The following PCBP3 variants were observed in gnomAD, a reference collection of about 807,000 sequenced individuals.
The protein encoded by PCBP3 is poly(rC) binding protein 3, also known as poly(rC)-binding protein 3.
PCBP3 carries 25 observed loss-of-function variants against 52.7 expected under a neutral mutation model. That is an observed-to-expected ratio of 0.47 (90% confidence interval 0.35 to 0.66). PCBP3 has a LOEUF of 0.66. PCBP3 is among the 30% of genes least tolerant of loss of function. The pLI, the probability that PCBP3 is intolerant of heterozygous loss-of-function variation, is 0.01. For missense variants in PCBP3, 391 were observed against 490.3 expected (o/e 0.80, Z 1.91); for synonymous variants, 162 against 183.0 (o/e 0.89, Z 0.93).
intron 4 of PCBP3, among the ~76,000 whole-genome samples, chr21:45,768,452 C>T (rs772774221): frequency 6.6e-6 from 1 of 152,212 alleles, no homozygotes; most frequent in Admixed American, 6.5e-5. Flanking sequence ...CTGTGGGGCA[C>T]CGTCATGGTG....
chr21:45,813,602 C>T lies in PCBP3; in HGVS notation c.-125-36359C>T, dbSNP rs372022203. On this transcript the variant is annotated intron_variant, in intron 4 of 17. Coordinates refer to ENST00000681687, the MANE Select transcript of PCBP3 (RefSeq NM_001384156.1). The stretch of plus-strand genomic sequence containing the variant: ...GATTACAGGCATGCGCCACAACGCC[C>T]GGCTATTTTTTGTATTTTTTAAATA... 1.3e-3 allele frequency among the ~76,000 whole-genome samples: 193 copies of T among 152,266 alleles called. 1 individual carries two copies. Among genetic ancestry groups the T allele is most frequent in the East Asian group, 6.9e-3 (36 of 5,182 alleles).
intron 9 of PCBP3, among the ~76,000 whole-genome samples, chr21:45,909,000 T>C (rs1162499790): frequency 6.6e-6 from 1 of 151,962 alleles, no homozygotes; most frequent in African/African-American, 2.4e-5. Flanking sequence ...CCCCAGCTAG[T>C]CTCCAGCCTC....
At chr21:45,910,851 G>A in intron 10 of PCBP3, 51 bp from the exon 11 acceptor site, 2 of 1,540,094 alleles carry the variant, frequency 1.3e-6, no homozygotes, top group African/African-American at 1.4e-5. Context: ...AGGTACTGCT[G>A]CCCCATGCGC....
intron 1 of PCBP3, among the ~76,000 whole-genome samples, chr21:45,646,107 C>CTCTCTCTCTGTGTGTG (rs1555895746): frequency 3.7e-4 from 31 of 83,812 alleles, no homozygotes; most frequent in African/African-American, 1.2e-3. Flanking sequence ...CTCTCTCTCT[C>CTCTCTCTCTGTGTGTG]TGTGTGTGTG....
At chr21:45,708,592 TAAAG>T (rs2083610503) in intron 2 of PCBP3, among the ~76,000 whole-genome samples, 1 of 152,064 alleles carries the variant, frequency 6.6e-6, no homozygotes, top group Non-Finnish European at 1.5e-5. Flanking sequence ...CTTCATGAGA[TAAAG>T]AAATAAAAAT....
intron 2 of PCBP3, among the ~76,000 whole-genome samples, chr21:45,727,809 G>A (rs1017739861): frequency 6.6e-6 from 1 of 152,182 alleles, no homozygotes; most frequent in African/African-American, 2.4e-5. Flanking sequence ...CTAACGCTGG[G>A]AGGGCAGTCC....
At chr21:45,886,588 A>G (rs1267075008) in intron 5 of PCBP3, among the ~76,000 whole-genome samples, 1 of 133,126 alleles carries the variant, frequency 7.5e-6, no homozygotes, top group African/African-American at 2.9e-5. Context: ...CGCTGGTACC[A>G]AGGGCAGAGG....
chr21:45,702,193 T>G (rs1353841666), intron 2 of PCBP3, among the ~76,000 whole-genome samples: 1 of 152,210 alleles, frequency 6.6e-6, no homozygotes, highest in Non-Finnish European at 1.5e-5. Flanking sequence ...TCAGTAAACT[T>G]GTAGTATTTT....
At chr21:45,690,536 G>A (rs993940288) in intron 2 of PCBP3, among the ~76,000 whole-genome samples, 1 of 151,998 alleles carries the variant, frequency 6.6e-6, no homozygotes, top group Non-Finnish European at 1.5e-5. Flanking sequence ...AAATGAAAAG[G>A]CAAATAGAAT....
At chr21:45,793,848 G>A (rs532543277) in intron 4 of PCBP3, among the ~76,000 whole-genome samples, 22 of 152,220 alleles carry the variant, frequency 1.4e-4, no homozygotes, top group African/African-American at 4.8e-4. Flanking sequence ...TCAAATTGAA[G>A]GGCAAAGGAA....
At position 45,735,263 on chromosome 21, in the gene PCBP3, A is replaced by T. The variant is rs2145853760; in HGVS notation, c.-199-129A>T. 6.6e-6 allele frequency: 1 copy of T among 152,310 alleles called. No homozygotes were observed. The highest frequency in any genetic ancestry group is 1.9e-4 in the East Asian group (1 of 5,180). 9.4% of individuals were successfully genotyped at this position (152,310 alleles called of 1,614,324 possible). A position where few individuals can be genotyped will look rare whatever the true frequency, so the allele number is the denominator to read the frequency against. ...CCTTCCCAATAACTGATTTATAAAC[A>T]TGTCTTTTTAATAGATGACTTTGGT... On this transcript the variant is annotated intron_variant, in intron 2 of 17. Transcript: ENST00000681687. This position sits in a 1 kb window ranked among gnomAD's most constrained non-coding sequence, Gnocchi z 4.0.
chr21:45,844,462 T>C (rs577624013), intron 4 of PCBP3, among the ~76,000 whole-genome samples: 6 of 152,174 alleles, frequency 3.9e-5, no homozygotes, highest in African/African-American at 1.4e-4. Context: ...CCCTCCAGCA[T>C]TGTTGCAGCC....
intron 4 of PCBP3, among the ~76,000 whole-genome samples, chr21:45,772,148 G>A (rs2089921501): frequency 6.6e-6 from 1 of 151,886 alleles, no homozygotes; most frequent in Non-Finnish European, 1.5e-5. Flanking sequence ...GATATTATTG[G>A]GTTTATTCCA....
intron 4 of PCBP3, among the ~76,000 whole-genome samples, chr21:45,815,369 ATGAGTGAGTGG>A (rs1218053795): frequency 5.1e-4 from 27 of 52,646 alleles, no homozygotes; most frequent in Non-Finnish European, 9.4e-4. Flanking sequence ...GTGGTGAGTG[ATGAGTGAGTGG>A]TGAGTGAGTG....
At position 45,880,068 on chromosome 21, in the gene PCBP3, G is replaced by A. The variant is rs887673919; in HGVS notation, c.11-16140G>A. Among the ~76,000 whole-genome samples the A allele has an allele frequency of 2.0e-5, 3 of 152,198 alleles. No individual in the cohort carries two copies. Among genetic ancestry groups the A allele is most frequent in the Admixed American group, 6.5e-5 (1 of 15,284 alleles). ...ACGGTGGCAGTTCTCTGCTGTCTGC[G>A]TTTGTTGTGTGGCGTGAGAGTCCAT... is the stretch of plus-strand genomic sequence containing the variant. On this transcript the variant is annotated intron_variant, in intron 5 of 17. Coordinates refer to ENST00000681687, the MANE Select transcript of PCBP3 (RefSeq NM_001384156.1). The surrounding 1 kb of genome is among the most constrained non-coding windows in gnomAD (Gnocchi z 5.4).
At chr21:45,913,026 G>A (rs1395661993) in intron 11 of PCBP3, among the ~76,000 whole-genome samples, 1 of 152,154 alleles carries the variant, frequency 6.6e-6, no homozygotes, top group East Asian at 1.9e-4. Context: ...GCTGCCCCCT[G>A]CCAGGAACGG....
At chr21:45,719,891 T>C (rs971523325) in intron 2 of PCBP3, among the ~76,000 whole-genome samples, 3 of 151,950 alleles carry the variant, frequency 2.0e-5, no homozygotes, top group Admixed American at 1.3e-4. Context: ...CCCACCAAAT[T>C]CCAGGGTCAG....
chr21:45,927,373 A>C (rs1603534233), intron 13 of PCBP3, among the ~76,000 whole-genome samples: 1 of 622 alleles, frequency 1.6e-3, no homozygotes. Context: ...TGCCTACCTG[A>C]CTTTCTTCCT....
intron 4 of PCBP3, among the ~76,000 whole-genome samples, chr21:45,795,312 T>C (rs1422219122): frequency 8.4e-6 from 1 of 118,816 alleles, no homozygotes; most frequent in Non-Finnish European, 1.9e-5. Context: ...TCTTCTTCTT[T>C]TTCTTTTTTT....
Sources: gnomAD v4.1 joint callset for allele counts (sites outside exome capture counted in the v4.1 genomes callset) on GRCh38, gnomAD v4.1.1 for gene constraint, Gnocchi (gnomAD v3.1) non-coding constraint, MANE v1.5 for transcripts, NCBI Gene and HGNC (gene_info 2026-07-23, HGNC 2026-07-21) for gene names.